OR51I1: variants seen among roughly 807,000 people sequenced by gnomAD.
OR51I1 encodes the protein olfactory receptor family 51 subfamily I member 1, also known as olfactory receptor 51I1.
A neutral mutation model predicts 6.9 loss-of-function variants in OR51I1; 5 were observed. That is an observed-to-expected ratio of 0.73 (90% CI 0.38 to 1.52). OR51I1 has a LOEUF of 1.52. OR51I1 is among the 40% of genes most tolerant of loss of function. The probability of loss-of-function intolerance (pLI) is 0.03; values close to 1 mark genes in which losing one functional copy is unlikely to be tolerated. For synonymous variants in OR51I1, 183 were observed against 140.3 expected, an observed-to-expected ratio of 1.30 and a Z score of -2.15; for missense variants, 465 against 388.5, an observed-to-expected ratio of 1.20 and a Z score of -1.66.
rs780537293 is a variant in OR51I1, at chr11:5,441,095, G to A, written c.420C>T (p.His140=). The change falls in exon 1 of 1, where the codon CAC becomes CAT. Residue 140 remains histidine, a synonymous_variant. Coordinates refer to ENST00000380211, the MANE Select transcript of OR51I1 (RefSeq NM_001005288.3). ...CCAGACCCATAGCCAATATACGGTT[G>A]TGAGTGAGCACAGTGACATAGCGTA... is the stretch of plus-strand genomic sequence containing the variant. ...YPLRYVTVLT[H]NRILAMGLGI... is the part of the protein sequence containing the mutation. 7 of 1,614,012 alleles carry A rather than the reference G, an allele frequency of 4.3e-6. No individual in the cohort carries two copies. The Admixed American group carries it at 1.0e-4, about 23-fold the overall frequency.
At position 5,441,427 on chromosome 11, in the gene OR51I1, C is replaced by A. The variant is rs1198746419; in HGVS notation, c.88G>T (p.Ala30Ser). 2 of 1,613,786 alleles carry A rather than the reference C, an allele frequency of 1.2e-6. No individual in the cohort carries two copies. Among genetic ancestry groups the A allele is most frequent in the Non-Finnish European group, 1.7e-6 (2 of 1,179,898 alleles). The change falls in exon 1 of 1, where the codon GCC becomes TCC. Residue 30 changes from alanine to serine, a missense_variant. Physicochemically the swap from Ala to Ser is moderately conservative, Grantham distance 99 (BLOSUM62 1). Transcript: ENST00000380211. The stretch of plus-strand genomic sequence containing the variant: ...ATGTAGAGGATGCAGAAAATCAGGG[C>A]AACCCAGGTGAGGCCTGTTTGTATC... ...PGIQTGLTWV[A>S]LIFCILYMIS...
Position 5,440,689 on chromosome 11 carries a change from C to G in OR51I1, c.826G>C (p.Val276Leu). The change falls in exon 1 of 1, where the codon GTC (valine) becomes CTC (leucine). Residue 276 changes from valine to leucine, a missense_variant. Transcript: ENST00000380211. Reference sequence around the variant, plus strand: ...AACAGGTAGACATTGGACATCATGACATGAACAACAGGTGGAGCACTTTTC... The same window carrying G: ...AACAGGTAGACATTGGACATCATGAGATGAACAACAGGTGGAGCACTTTTC... ...FWKSAPPVVH[V>L]MMSNVYLFVP... 6.2e-7 allele frequency: 1 copy of G among 1,613,910 alleles called. No homozygotes were observed. Among genetic ancestry groups the G allele is most frequent in the South Asian group, 1.1e-5 (1 of 91,076 alleles).
rs759029483 is a variant in OR51I1, at chr11:5,440,830, C to G, written c.685G>C (p.Val229Leu). Residue 229 changes from valine (V) to leucine (L), a missense_variant, in exon 1 of 1, where the codon GTC (valine) becomes CTC (leucine). Coordinates refer to ENST00000380211, the MANE Select transcript of OR51I1 (RefSeq NM_001005288.3). ...SYALILRAML[V>L]IISQEQRLKA... is the part of the protein sequence containing the mutation. ...AGCCGCTGTTCCTGGGATATGATGACCAGCATGGCTCTCAGGATCAATGCG... is the reference window on the plus strand; with the variant it reads ...AGCCGCTGTTCCTGGGATATGATGAGCAGCATGGCTCTCAGGATCAATGCG... 6.2e-7 allele frequency: 1 copy of G among 1,613,794 alleles called. No homozygotes were observed. The highest frequency in any genetic ancestry group is 8.5e-7 in the Non-Finnish European group (1 of 1,179,910).
rs1498486 is a variant in OR51I1, at chr11:5,440,761, C to A, written c.754G>T (p.Ala252Ser). Reference protein sequence around the residue: ...TCMSHICAVLAFYVPIIAVSM... With the variant: ...TCMSHICAVLSFYVPIIAVSM... ...ACAGCAATTATGGGCACATAAAAGGCCAGCACTGCACAGATGTGTGACATG... is the reference window on the plus strand; with the variant it reads ...ACAGCAATTATGGGCACATAAAAGGACAGCACTGCACAGATGTGTGACATG... The change falls in exon 1 of 1, where the codon GCC becomes TCC. Residue 252 changes from alanine (A) to serine (S), a missense_variant. Coordinates refer to ENST00000380211, the MANE Select transcript of OR51I1 (RefSeq NM_001005288.3). 817,758 of 1,613,570 alleles carry A rather than the reference C, an allele frequency of 0.51. 216,856 individuals are homozygous for A. The highest frequency in any genetic ancestry group is 0.55 in the Non-Finnish European group (652,921 of 1,179,780).
chr11:5,440,882 C>T lies in OR51I1; in HGVS notation c.633G>A (p.Met211Ile). The stretch of plus-strand genomic sequence containing the variant: ...AGGAAAGCAGGATGAAAGTTGAGTC[C>T]ATACCATAGGTAAAAATGATCACCA... Reference protein sequence around the residue: ...GLLVIIFTYGMDSTFILLSYA... With the variant: ...GLLVIIFTYGIDSTFILLSYA... The change falls in exon 1 of 1, where the codon ATG becomes ATA. Residue 211 changes from methionine (M) to isoleucine (I), a missense_variant. Physicochemically the swap from Met to Ile is conservative, Grantham distance 10 (BLOSUM62 1). Coordinates refer to ENST00000380211, the MANE Select transcript of OR51I1 (RefSeq NM_001005288.3). The T allele has an allele frequency of 6.2e-7, 1 of 1,613,690 alleles. No individual in the cohort carries two copies. Among genetic ancestry groups the T allele is most frequent in the Non-Finnish European group, 8.5e-7 (1 of 1,179,870 alleles).
rs763641521 is a variant in OR51I1 at position 5,441,254 on chromosome 11, G to C, written c.261C>G (p.Phe87Leu). Residue 87 changes from phenylalanine (F) to leucine (L), a missense_variant, in exon 1 of 1, where the codon TTC (phenylalanine) becomes TTG (leucine). By Grantham distance (22) the Phe-to-Leu change is conservative. Transcript: ENST00000380211. ...FSTLPTVIST[F>L]CFNYNHVAFN... Reference sequence around the variant, plus strand: ...ACGCAACATGGTTGTAGTTGAAGCAGAAAGTAGAAATCACAGTGGGAAGTG... The same window carrying C: ...ACGCAACATGGTTGTAGTTGAAGCACAAAGTAGAAATCACAGTGGGAAGTG... The C allele has an allele frequency of 6.2e-7, 1 of 1,614,002 alleles. No individual in the cohort carries two copies. The highest frequency in any genetic ancestry group is 8.5e-7 in the Non-Finnish European group (1 of 1,179,932).
At position 5,440,655 on chromosome 11, in the gene OR51I1, G is replaced by C; in HGVS notation, c.860C>G (p.Pro287Arg). Residue 287 changes from proline (P) to arginine (R), a missense_variant, in exon 1 of 1, where the codon CCC (proline) becomes CGC (arginine). By Grantham distance (103) the Pro-to-Arg change is moderately radical. Coordinates refer to ENST00000380211, the MANE Select transcript of OR51I1 (RefSeq NM_001005288.3). ...MMSNVYLFVP[P>R]MLNPIIYSVK... The stretch of plus-strand genomic sequence containing the variant: ...ACTGTAGATGATAGGGTTGAGCATG[G>C]GTGGTACAAACAGGTAGACATTGGA... 1.2e-6 allele frequency: 2 copies of C among 1,613,860 alleles called. No homozygotes were observed. Among genetic ancestry groups the C allele is most frequent in the Non-Finnish European group, 1.7e-6 (2 of 1,179,826 alleles).
Position 5,440,604 on chromosome 11 carries a change from C to T in OR51I1, c.911G>A (p.Gly304Glu). ...GGATTTATGGAAGAACTTGAGAATCCCTTTGCGGATCTCCTTGGTTTTCAC... is the reference window on the plus strand; with the variant it reads ...GGATTTATGGAAGAACTTGAGAATCTCTTTGCGGATCTCCTTGGTTTTCAC... The part of the protein sequence containing the change: ...YSVKTKEIRK[G>E]ILKFFHKSQA Residue 304 changes from glycine (G) to glutamate (E), a missense_variant, in exon 1 of 1, where the codon GGG (glycine) becomes GAG (glutamate). Coordinates refer to ENST00000380211, the MANE Select transcript of OR51I1 (RefSeq NM_001005288.3). 1.9e-6 allele frequency: 3 copies of T among 1,613,460 alleles called. No homozygotes were observed. The highest frequency in any genetic ancestry group is 2.5e-6 in the Non-Finnish European group (3 of 1,179,626).
In OR51I1 at chr11:5,441,302, A is replaced by G; in HGVS notation, c.213T>C (p.Asn71=). ...MYYFLSMLAL[N]DLGVSFSTLP... is the part of the protein sequence containing the mutation. Reference sequence around the variant, plus strand: ...GTGTAGAAAAGGACACTCCCAGATCATTGAGAGCGAGCATAGAGAGGAAGT... The same window carrying G: ...GTGTAGAAAAGGACACTCCCAGATCGTTGAGAGCGAGCATAGAGAGGAAGT... Residue 71 remains asparagine, a synonymous_variant, in exon 1 of 1, where the codon AAT becomes AAC. Transcript: ENST00000380211. 1 of 1,613,966 alleles carries G rather than the reference A, an allele frequency of 6.2e-7. No homozygotes were observed. Among genetic ancestry groups the G allele is most frequent in the Non-Finnish European group, 8.5e-7 (1 of 1,179,900 alleles).
At position 5,441,377 on chromosome 11, in the gene OR51I1, G is replaced by A. The variant is rs749491967; in HGVS notation, c.138C>T (p.Ser46=). 1.2e-6 allele frequency: 2 copies of A among 1,613,808 alleles called. No homozygotes were observed. The highest frequency in any genetic ancestry group is 1.7e-6 in the Non-Finnish European group (2 of 1,179,884). Reference sequence around the variant, plus strand: ...GCTCCCAAAACACCAGAGTGAGAATGCTGAGGTTACCTACAATGGAGATCA... The same window carrying A: ...GCTCCCAAAACACCAGAGTGAGAATACTGAGGTTACCTACAATGGAGATCA... ...LYMISIVGNL[S]ILTLVFWEPA... Residue 46 remains serine, a synonymous_variant, in exon 1 of 1, where the codon AGC becomes AGT. Coordinates refer to ENST00000380211, the MANE Select transcript of OR51I1 (RefSeq NM_001005288.3).
Position 5,441,047 on chromosome 11 carries a change from G to T in OR51I1, c.468C>A (p.Thr156=). Residue 156 remains threonine, a synonymous_variant, in exon 1 of 1, where the codon ACC becomes ACA. Transcript: ENST00000380211. ...CCACAAAAGGGAAAGGGAAGAGAGTGGTGAAACTCTTGGTAAGGATGCCCA... is the reference window on the plus strand; with the variant it reads ...CCACAAAAGGGAAAGGGAAGAGAGTTGTGAAACTCTTGGTAAGGATGCCCA... The part of the protein sequence containing the change: ...MGLGILTKSF[T]TLFPFPFVVK... The T allele has an allele frequency of 6.2e-7, 1 of 1,613,970 alleles. No individual in the cohort carries two copies. The highest frequency in any genetic ancestry group is 8.5e-7 in the Non-Finnish European group (1 of 1,179,934).
Position 5,441,112 on chromosome 11 carries a change from C to T in OR51I1, c.403G>A (p.Val135Ile). Residue 135 changes from valine to isoleucine, a missense_variant, in exon 1 of 1, where the codon GTC becomes ATC. By Grantham distance (29) the Val-to-Ile change is conservative (BLOSUM62 3). Coordinates refer to ENST00000380211, the MANE Select transcript of OR51I1 (RefSeq NM_001005288.3). ...FVAICYPLRY[V>I]TVLTHNRILA... ...ATACGGTTGTGAGTGAGCACAGTGA[C>T]ATAGCGTAATGGATAACAAATAGCC... 1.2e-6 allele frequency: 2 copies of T among 1,613,998 alleles called. No homozygotes were observed. The highest frequency in any genetic ancestry group is 1.7e-6 in the Non-Finnish European group (2 of 1,179,942).
rs770245603 is a variant in OR51I1 at position 5,440,825 on chromosome 11, G to C, written c.690C>G (p.Ile230Met). ...YALILRAMLV[I>M]ISQEQRLKAL... ...CCTTGAGCCGCTGTTCCTGGGATAT[G>C]ATGACCAGCATGGCTCTCAGGATCA... The change falls in exon 1 of 1, where the codon ATC becomes ATG. Residue 230 changes from isoleucine (I) to methionine (M), a missense_variant. Coordinates refer to ENST00000380211, the MANE Select transcript of OR51I1 (RefSeq NM_001005288.3). The C allele has an allele frequency of 2.2e-5, 36 of 1,613,740 alleles. No homozygotes were observed. The highest frequency in any genetic ancestry group is 2.5e-5 in the Non-Finnish European group (30 of 1,179,914).
In OR51I1 at chr11:5,441,409, G is replaced by A; in HGVS notation, c.106C>T (p.Leu36Phe). 6.2e-7 allele frequency: 1 copy of A among 1,613,938 alleles called. No homozygotes were observed. Among genetic ancestry groups the A allele is most frequent in the South Asian group, 1.1e-5 (1 of 91,078 alleles). ...LTWVALIFCI[L>F]YMISIVGNLS... ...TTACCTACAATGGAGATCATGTAGAGGATGCAGAAAATCAGGGCAACCCAG... is the reference window on the plus strand; with the variant it reads ...TTACCTACAATGGAGATCATGTAGAAGATGCAGAAAATCAGGGCAACCCAG... Residue 36 changes from leucine to phenylalanine, a missense_variant, in exon 1 of 1, where the codon CTC becomes TTC. By Grantham distance (22) the Leu-to-Phe change is conservative. Transcript: ENST00000380211.
chr11:5,440,622 G>A lies in OR51I1; in HGVS notation c.893C>T (p.Thr298Ile), dbSNP rs1202808627. 2 of 1,613,668 alleles carry A rather than the reference G, an allele frequency of 1.2e-6. No homozygotes were observed. Among genetic ancestry groups the A allele is most frequent in the South Asian group, 1.1e-5 (1 of 91,084 alleles). ...GAGAATCCCTTTGCGGATCTCCTTG[G>A]TTTTCACACTGTAGATGATAGGGTT... ...MLNPIIYSVK[T>I]KEIRKGILKF... Residue 298 changes from threonine to isoleucine, a missense_variant, in exon 1 of 1, where the codon ACC (threonine) becomes ATC (isoleucine). By Grantham distance (89) the Thr-to-Ile change is moderately conservative. Transcript: ENST00000380211.
Position 5,441,304 on chromosome 11 carries a change from T to G in OR51I1, c.211A>C (p.Asn71His), listed in dbSNP as rs750758139. 3.7e-6 allele frequency: 6 copies of G among 1,613,766 alleles called. No homozygotes were observed. The African/African-American group carries it at 8.0e-5, about 22-fold the overall frequency. ...MYYFLSMLAL[N>H]DLGVSFSTLP... ...GTAGAAAAGGACACTCCCAGATCAT[T>G]GAGAGCGAGCATAGAGAGGAAGTAG... The change falls in exon 1 of 1, where the codon AAT becomes CAT. Residue 71 changes from asparagine (N) to histidine (H), a missense_variant. By Grantham distance (68) the Asn-to-His change is moderately conservative. Transcript: ENST00000380211.
rs61737027 is a variant in OR51I1 at position 5,440,733 on chromosome 11, G to C, written c.782C>G (p.Ser261Cys). The change falls in exon 1 of 1, where the codon TCC (serine) becomes TGC (cysteine). Residue 261 changes from serine (S) to cysteine (C), a missense_variant. By Grantham distance (112) the Ser-to-Cys change is moderately radical. Transcript: ENST00000380211. ...LAFYVPIIAV[S>C]MIHRFWKSAP... ...ACTTTTCCAGAAGCGGTGAATCATG[G>C]AGACAGCAATTATGGGCACATAAAA... 3 of 1,613,974 alleles carry C rather than the reference G, an allele frequency of 1.9e-6. No individual in the cohort carries two copies. Among genetic ancestry groups the C allele is most frequent in the Non-Finnish European group, 2.5e-6 (3 of 1,179,932 alleles).
rs747934787 is a variant in OR51I1 at position 5,440,990 on chromosome 11, A to C, written c.525T>G (p.Val175=). The C allele has an allele frequency of 5.6e-6, 9 of 1,613,892 alleles. No homozygotes were observed. Among genetic ancestry groups the C allele is most frequent in the Non-Finnish European group, 7.6e-6 (9 of 1,179,960 alleles). ...GATGGAGACAGTAGGAGTGATGCAA[A>C]ACATTGCCTTTGCAGAAGGGCAGTC... ...VKRLPFCKGN[V]LHHSYCLHPD... The change falls in exon 1 of 1, where the codon GTT becomes GTG. Residue 175 remains valine (V), a synonymous_variant. Coordinates refer to ENST00000380211, the MANE Select transcript of OR51I1 (RefSeq NM_001005288.3).
rs867920720 is a variant in OR51I1 at position 5,440,836 on chromosome 11, TG to T, written c.678del (p.Met227CysfsTer31). ...TGTTCCTGGGATATGATGACCAGCATGGCTCTCAGGATCAATGCGTAGGAAA... is the reference window on the plus strand; with the variant it reads ...TGTTCCTGGGATATGATGACCAGCATGCTCTCAGGATCAATGCGTAGGAAA... Reference protein sequence around the residue: ...ILLSYALILRAMLVIISQEQR... With the variant: ...ILLSYALILRXMLVIISQEQR... On this transcript the variant is annotated frameshift_variant, in exon 1 of 1. Coordinates refer to ENST00000380211, the MANE Select transcript of OR51I1 (RefSeq NM_001005288.3). LOFTEE classifies it high-confidence loss of function. The T allele has an allele frequency of 4.3e-6, 7 of 1,613,878 alleles. No homozygotes were observed. The highest frequency in any genetic ancestry group is 5.9e-6 in the Non-Finnish European group (7 of 1,179,932).
Sources: allele counts gnomAD v4.1 joint callset, GRCh38; gene constraint gnomAD v4.1.1; transcripts MANE v1.5; gene names NCBI Gene and HGNC (gene_info 2026-07-23, HGNC 2026-07-21).